The following PHTF2 variants were observed in gnomAD, a reference collection of about 807,000 sequenced individuals.
The protein encoded by PHTF2 is protein PHTF2.
PHTF2 carries 60 observed loss-of-function variants against 101.2 expected under a neutral mutation model. That is an observed-to-expected ratio of 0.59 (90% CI 0.48 to 0.73). PHTF2 has a LOEUF of 0.73. Ranked by LOEUF, PHTF2 falls within the 30% of genes least tolerant of loss-of-function variation. PHTF2 has a pLI of 0.00. For missense variants in PHTF2, 747 were observed against 908.7 expected, an observed-to-expected ratio of 0.82 and a Z score of 2.29; for synonymous variants, 311 against 307.3, an observed-to-expected ratio of 1.01 and a Z score of -0.13.
chr7:77,850,782 A>G (rs557392674), intron 2 of PHTF2, among the ~76,000 whole-genome samples: 181 of 152,180 alleles, frequency 1.2e-3, no homozygotes, highest in Non-Finnish European at 1.9e-3. Context: ...AATCAGTTTG[A>G]TACCAGCAAT....
intron 1 of PHTF2, among the ~76,000 whole-genome samples, chr7:77,803,562 A>T (rs764534953): frequency 6.6e-6 from 1 of 152,154 alleles, no homozygotes; most frequent in Non-Finnish European, 1.5e-5. Context: ...CTTTAAATGG[A>T]GTTACCTACT....
intron 1 of PHTF2, among the ~76,000 whole-genome samples, chr7:77,809,347 C>T (rs1352201676): frequency 6.6e-6 from 1 of 151,338 alleles, no homozygotes; most frequent in African/African-American, 2.4e-5. Context: ...CTGCCTCAGC[C>T]TCCCAAATAG....
At chr7:77,835,922 C>T (rs189454901) in intron 1 of PHTF2, among the ~76,000 whole-genome samples, 65 of 151,986 alleles carry the variant, frequency 4.3e-4, no homozygotes, top group Non-Finnish European at 8.4e-4. Flanking sequence ...GAGTTTGAGA[C>T]CAACCTGACC....
chr7:77,859,117 A>T (rs62462680), intron 3 of PHTF2, among the ~76,000 whole-genome samples: 32,082 of 152,048 alleles, frequency 0.21, 3,851 homozygotes, highest in South Asian at 0.29. Flanking sequence ...TGCCTTCTTC[A>T]CACTCTTTCT....
chr7:77,924,274 C>T, intron 11 of PHTF2: 1 of 351,136 alleles, frequency 2.8e-6, no homozygotes, highest in Non-Finnish European at 4.0e-6. Flanking sequence ...AATGTTTTTT[C>T]TTTAAGAGTG....
chr7:77,927,192 A>G (rs1426385922), intron 11 of PHTF2, among the ~76,000 whole-genome samples: 1 of 97,388 alleles, frequency 1.0e-5, no homozygotes, highest in Non-Finnish European at 2.4e-5. Flanking sequence ...ATATATATAT[A>G]TATACATACA....
In PHTF2 at chr7:77,848,381, T is replaced by C. The variant is rs1446218141; in HGVS notation, c.46-6352T>C. ...CCTTGCCGGCATTTGTTGTTGCCTG[T>C]CTTCTGGAGAAAAGCCATTTTGACT... On this transcript the variant is annotated intron_variant, in intron 2 of 19. Transcript: ENST00000416283. 2.6e-5 allele frequency among the ~76,000 whole-genome samples: 4 copies of C among 152,204 alleles called. No homozygotes were observed. The East Asian group carries it at 7.7e-4, about 29-fold the overall frequency.
intron 9 of PHTF2, among the ~76,000 whole-genome samples, chr7:77,919,892 C>G (rs1447266652): frequency 6.6e-6 from 1 of 151,992 alleles, no homozygotes; most frequent in East Asian, 1.9e-4. Flanking sequence ...TAAGTTAAAC[C>G]ATGAATTGCA....
At chr7:77,930,967 A>G (rs1804511745) in intron 12 of PHTF2, among the ~76,000 whole-genome samples, 1 of 152,244 alleles carries the variant, frequency 6.6e-6, no homozygotes, top group South Asian at 2.1e-4. Context: ...GTATAGACAT[A>G]TAAACATATA....
intron 7 of PHTF2, 90 bp from the exon 7 acceptor site, chr7:77,908,703 G>C (rs1802087617): frequency 7.8e-6 from 6 of 773,980 alleles, no homozygotes; most frequent in Middle Eastern, 2.8e-4. Flanking sequence ...AAAATATTTT[G>C]GCAAAAAATA....
At chr7:77,839,097 G>T (rs1373757911) in intron 1 of PHTF2, among the ~76,000 whole-genome samples, 1 of 152,174 alleles carries the variant, frequency 6.6e-6, no homozygotes, top group Admixed American at 6.5e-5. Context: ...CAAACTAGTG[G>T]TAGCGTTTCT....
intron 16 of PHTF2, among the ~76,000 whole-genome samples, chr7:77,948,870 C>G (rs1054314901): frequency 6.6e-6 from 1 of 152,178 alleles, no homozygotes; most frequent in Non-Finnish European, 1.5e-5. Context: ...GACTAACTTA[C>G]AATATCTAAT....
chr7:77,923,366 C>G, intron 11 of PHTF2: 1 of 967,728 alleles, frequency 1.0e-6, no homozygotes, highest in Non-Finnish European at 1.2e-6. Flanking sequence ...ATAAATTACA[C>G]TGTTTATCAC....
At chr7:77,880,627 C>T (rs1799329185) in intron 3 of PHTF2, among the ~76,000 whole-genome samples, 1 of 152,126 alleles carries the variant, frequency 6.6e-6, no homozygotes, top group Non-Finnish European at 1.5e-5. Context: ...CGTCCTCCTT[C>T]ACATCCCGCT....
rs58290945 is a variant in PHTF2 at position 77,925,495 on chromosome 7, G to GTTTTTTTTTTTTTT, written c.1119+2735_1119+2748dup. ...GCAATTATAGGCAATAGTTTTTAGG[G>GTTTTTTTTTTTTTT]TTTTTTTTTTTTTTTTTTTTTTTTT... is the stretch of plus-strand genomic sequence containing the variant. On this transcript the variant is annotated intron_variant, in intron 11 of 19. Coordinates refer to ENST00000416283, the Ensembl canonical transcript of PHTF2. 5.7e-4 allele frequency among the ~76,000 whole-genome samples: 42 copies of GTTTTTTTTTTTTTT among 73,164 alleles called. 4 individuals are homozygous for GTTTTTTTTTTTTTT. Among genetic ancestry groups the GTTTTTTTTTTTTTT allele is most frequent in the African/African-American group, 2.0e-3 (34 of 17,298 alleles). 48.0% of individuals were successfully genotyped at this position (73,164 alleles called of 152,430 possible).
chr7:77,943,629 T>C (rs1190183351), intron 16 of PHTF2, among the ~76,000 whole-genome samples: 1 of 152,172 alleles, frequency 6.6e-6, no homozygotes, highest in African/African-American at 2.4e-5. Flanking sequence ...AGTTTAAACG[T>C]ATTAAAATTT....
intron 18 of PHTF2, among the ~76,000 whole-genome samples, chr7:77,952,592 G>GA (rs1279991012): frequency 6.6e-6 from 1 of 152,024 alleles, no homozygotes; most frequent in Non-Finnish European, 1.5e-5. Flanking sequence ...TGCTCAATGG[G>GA]AAAAAAATAT....
At chr7:77,814,171 T>C (rs1248667240) in intron 1 of PHTF2, among the ~76,000 whole-genome samples, 2 of 152,162 alleles carry the variant, frequency 1.3e-5, no homozygotes, top group African/African-American at 4.8e-5. Context: ...AAATTCTCAT[T>C]GTTCACAGCT....
At chr7:77,838,485 A>G (rs2150573093) in intron 1 of PHTF2, among the ~76,000 whole-genome samples, 1 of 152,366 alleles carries the variant, frequency 6.6e-6, no homozygotes, top group South Asian at 2.1e-4. Flanking sequence ...TAAAAAAGGA[A>G]ATATAAATAC....
Sources: gnomAD v4.1 joint callset for allele counts (sites outside exome capture counted in the v4.1 genomes callset) on GRCh38, gnomAD v4.1.1 for gene constraint, MANE v1.5 for transcripts, NCBI Gene and HGNC (gene_info 2026-07-23, HGNC 2026-07-21) for gene names.